Variants in NAA11 observed in about 807,000 individuals in gnomAD.
The protein encoded by NAA11 is N-alpha-acetyltransferase 11, NatA catalytic subunit.
In NAA11, 15 loss-of-function variants were observed where a neutral mutation model predicts 16.1. The observed-to-expected ratio is 0.93, with a 90% CI of 0.62 to 1.44. The LOEUF is 1.44. Ranked by LOEUF, NAA11 falls within the 40% of genes most tolerant of loss-of-function variation. The probability of loss-of-function intolerance (pLI) is 0.00; values close to 1 mark genes in which losing one functional copy is unlikely to be tolerated. For missense variants in NAA11, 298 were observed against 291.3 expected (o/e 1.02, Z -0.17); for synonymous variants, 122 against 112.4 (o/e 1.09, Z -0.54).
At chr4:79,295,020 G>A (rs1052008290) in intron 1 of NAA11, among the ~76,000 whole-genome samples, 1 of 152,146 alleles carries the variant, frequency 6.6e-6, no homozygotes. Context: ...AAGCTACTTT[G>A]AGAATTATTT....
intron 2 of NAA11, among the ~76,000 whole-genome samples, chr4:79,271,528 A>T (rs1329166205): frequency 1.3e-5 from 2 of 152,058 alleles, no homozygotes; most frequent in Non-Finnish European, 1.5e-5. Context: ...TTGATAGTTT[A>T]AGAAAATCTG....
At chr4:79,167,912 T>G in the NAA11 span, among the ~76,000 whole-genome samples, 1 of 152,238 alleles carries the variant, frequency 6.6e-6, no homozygotes, top group South Asian at 2.1e-4. Flanking sequence ...GGGATACATG[T>G]GCAGAACGTG....
In NAA11 at chr4:79,267,516, G is replaced by A. The variant is rs113153119; in HGVS notation, c.*122+26489C>T. On this transcript the variant is annotated intron_variant and NMD_transcript_variant, in intron 2 of 2. Transcript: ENST00000511542. ...TTCTTCTAGTTTTAAGCATATACTT[G>A]TTTGGAGGCAAAGGAGTAAACTATT... 3.3e-5 allele frequency among the ~76,000 whole-genome samples: 5 copies of A among 152,262 alleles called. No homozygotes were observed. In the South Asian group the frequency reaches 1.0e-3, roughly 32 times the overall value.
At chr4:79,322,628 A>G (rs1210993811) in intron 1 of NAA11, among the ~76,000 whole-genome samples, 1 of 152,126 alleles carries the variant, frequency 6.6e-6, no homozygotes, top group Non-Finnish European at 1.5e-5. Context: ...CCTTCTACGA[A>G]GGAATTTGAA....
the NAA11 span, among the ~76,000 whole-genome samples, chr4:79,202,521 T>TACACAC: frequency 0.15 from 20,267 of 134,848 alleles, 1,670 homozygotes; most frequent in Middle Eastern, 0.24. Context: ...TAAACTTTTA[T>TACACAC]ACACACACAC....
the NAA11 span, among the ~76,000 whole-genome samples, chr4:79,191,377 T>A: frequency 9.9e-5 from 15 of 151,872 alleles, no homozygotes; most frequent in Admixed American, 2.6e-4. Context: ...CCATTCTGAC[T>A]GGTGTGAGAT....
At chr4:79,217,618 C>T in the NAA11 span, among the ~76,000 whole-genome samples, 1 of 152,106 alleles carries the variant, frequency 6.6e-6, no homozygotes, top group Non-Finnish European at 1.5e-5. Flanking sequence ...AAAATATAAG[C>T]ACATGAATTA....
At chr4:79,227,857 A>T (rs1721356496) in intron 2 of NAA11, 1 of 152,026 alleles carries the variant, frequency 6.6e-6, no homozygotes, top group Non-Finnish European at 1.5e-5. Flanking sequence ...CATAAAAACA[A>T]GTCACTTCTA....
At chr4:79,255,096 T>G (rs1202421073) in intron 2 of NAA11, among the ~76,000 whole-genome samples, 1 of 152,154 alleles carries the variant, frequency 6.6e-6, no homozygotes, top group Admixed American at 6.5e-5. Flanking sequence ...GTTTCATTTA[T>G]AGAAATTTCA....
At chr4:79,213,546 T>C in the NAA11 span, among the ~76,000 whole-genome samples, 1 of 125,326 alleles carries the variant, frequency 8.0e-6, no homozygotes, top group Non-Finnish European at 1.8e-5. Flanking sequence ...ACATTTTATA[T>C]GACTCATATA....
chr4:79,311,290 T>C (rs1384807928), intron 1 of NAA11, among the ~76,000 whole-genome samples: 1 of 152,162 alleles, frequency 6.6e-6, no homozygotes, highest in Non-Finnish European at 1.5e-5. Flanking sequence ...AACAACTACT[T>C]TACATTATGA....
Position 79,325,870 on chromosome 4 carries a change from A to C in NAA11, c.8T>G (p.Ile3Ser), listed in dbSNP as rs775270448. 2 of 1,606,602 alleles carry C rather than the reference A, an allele frequency of 1.2e-6. No individual in the cohort carries two copies. Among genetic ancestry groups the C allele is most frequent in the Admixed American group, 1.7e-5 (1 of 59,672 alleles). MN[I>S]RNAQPDDLMN... ...CAGGTCGTCTGGCTGAGCGTTGCGG[A>C]TGTTCATAATGGCAGAGGGTAGGGA... The change falls in exon 1 of 2, where the codon ATC (isoleucine) becomes AGC (serine). Residue 3 changes from isoleucine to serine, a missense_variant. By Grantham distance (142) the Ile-to-Ser change is moderately radical (BLOSUM62 -2). Transcript: ENST00000286794.
At chr4:79,188,906 G>A in the NAA11 span, among the ~76,000 whole-genome samples, 3 of 151,872 alleles carry the variant, frequency 2.0e-5, no homozygotes, top group African/African-American at 7.3e-5. Context: ...CCTGCCCTGG[G>A]GATCACCAAC....
At chr4:79,220,426 CGTGTGTGTGTCTGTGT>C in the NAA11 span, among the ~76,000 whole-genome samples, 1 of 131,504 alleles carries the variant, frequency 7.6e-6, no homozygotes, top group Non-Finnish European at 1.6e-5. Flanking sequence ...GGTTTGTGTG[CGTGTGTGTGTCTGTGT>C]GTGTGTGTGT....
chr4:79,213,240 G>C, the NAA11 span, among the ~76,000 whole-genome samples: 5 of 152,082 alleles, frequency 3.3e-5, no homozygotes, highest in Admixed American at 2.6e-4. Context: ...GAGCTTCAGG[G>C]GTTCAGTTAT....
At chr4:79,245,333 T>C in intron 2 of NAA11, 1 of 153,814 alleles carries the variant, frequency 6.5e-6, no homozygotes, top group Non-Finnish European at 1.4e-5. Context: ...ATCTGGGATG[T>C]GGGGAGCGCC....
At chr4:79,196,991 G>GAAA in the NAA11 span, among the ~76,000 whole-genome samples, 1 of 106,680 alleles carries the variant, frequency 9.4e-6, no homozygotes, top group African/African-American at 3.5e-5. Flanking sequence ...AAGAAAGAAA[G>GAAA]AAAGAAAGAA....
chr4:79,247,946 G>C (rs1479137749), intron 2 of NAA11, among the ~76,000 whole-genome samples: 1 of 152,192 alleles, frequency 6.6e-6, no homozygotes, highest in Non-Finnish European at 1.5e-5. Context: ...GTGCGGGAGT[G>C]TCTGTAGTGG....
chr4:79,284,086 A>G (rs1448803019), intron 2 of NAA11, among the ~76,000 whole-genome samples: 2 of 152,088 alleles, frequency 1.3e-5, no homozygotes, highest in African/African-American at 2.4e-5. Flanking sequence ...TATAAATGCA[A>G]TGCTTTGTCT....
Sources: gnomAD v4.1 joint callset for allele counts (sites outside exome capture counted in the v4.1 genomes callset) on GRCh38, gnomAD v4.1.1 for gene constraint, MANE v1.5 for transcripts, NCBI Gene and HGNC (gene_info 2026-07-23, HGNC 2026-07-21) for gene names.